C8orf88: variants seen among roughly 807,000 people sequenced by gnomAD.
C8orf88 encodes the protein chromosome 8 open reading frame 88, also known as uncharacterized protein C8orf88.
C8orf88 carries 14 observed loss-of-function variants against 18.4 expected under a neutral mutation model. That is an observed-to-expected ratio of 0.76 (90% CI 0.50 to 1.19). The LOEUF is 1.19. Ranked by LOEUF, C8orf88 falls within the 50% of genes most tolerant of loss-of-function variation. C8orf88 has a pLI of 0.00. For missense variants in C8orf88, 116 were observed against 134.7 expected, an observed-to-expected ratio of 0.86 and a Z score of 0.69; for synonymous variants, 45 against 42.9, an observed-to-expected ratio of 1.05 and a Z score of -0.19.
chr8:90,975,929 A>AT (rs1352533079), intron 3 of C8orf88, among the ~76,000 whole-genome samples: 1 of 123,264 alleles, frequency 8.1e-6, no homozygotes, highest in Non-Finnish European at 1.5e-5. Flanking sequence ...ACTATTCCAC[A>AT]TTAAAAAAAA....
At chr8:90,981,652 C>G (rs957991553) in intron 1 of C8orf88, among the ~76,000 whole-genome samples, 1 of 152,082 alleles carries the variant, frequency 6.6e-6, no homozygotes, top group Non-Finnish European at 1.5e-5. Context: ...TACATGTCTA[C>G]TTATTGGACT....
intron 3 of C8orf88, among the ~76,000 whole-genome samples, chr8:90,975,602 C>T (rs533731755): frequency 2.6e-5 from 4 of 152,192 alleles, no homozygotes; most frequent in Non-Finnish European, 4.4e-5. Context: ...GATACCACTA[C>T]TTACACACTA....
intron 4 of C8orf88, among the ~76,000 whole-genome samples, chr8:90,967,769 T>C (rs1268788467): frequency 6.6e-6 from 1 of 151,716 alleles, no homozygotes; most frequent in African/African-American, 2.4e-5. Flanking sequence ...ATGTCCCCCA[T>C]GAAATAAATT....
intron 1 of C8orf88, among the ~76,000 whole-genome samples, chr8:90,983,443 A>G (rs530615853): frequency 6.6e-6 from 1 of 152,256 alleles, no homozygotes; most frequent in East Asian, 1.9e-4. Context: ...ACCTGGCAAT[A>G]CTAACTATAT....
At chr8:90,966,988 C>T (rs1811209274) in intron 4 of C8orf88, among the ~76,000 whole-genome samples, 1 of 151,888 alleles carries the variant, frequency 6.6e-6, no homozygotes, top group African/African-American at 2.4e-5. Context: ...GGACTGTGTT[C>T]TCTGTGAATA....
At chr8:90,975,713 T>C (rs1436002144) in intron 3 of C8orf88, among the ~76,000 whole-genome samples, 1 of 152,064 alleles carries the variant, frequency 6.6e-6, no homozygotes, top group Non-Finnish European at 1.5e-5. Context: ...AATGGCCACT[T>C]TGGAAAACAT....
chr8:90,982,870 A>G lies in C8orf88; in HGVS notation c.-27+2244T>C, dbSNP rs535892501. Among the ~76,000 whole-genome samples the G allele has an allele frequency of 2.0e-5, 3 of 152,266 alleles. No individual in the cohort carries two copies. In the South Asian group the frequency reaches 6.2e-4, roughly 32 times the overall value. On this transcript the variant is annotated intron_variant, in intron 1 of 5. Transcript: ENST00000517562. ...TCCACCATCATGTTATTAATGAAAA[A>G]GGTTAAGTATTTATAAAAAGTAATT...
At chr8:90,959,656 CAT>C (rs1427564688) in intron 5 of C8orf88, among the ~76,000 whole-genome samples, 1 of 151,180 alleles carries the variant, frequency 6.6e-6, no homozygotes, top group Non-Finnish European at 1.5e-5. Flanking sequence ...CTATGAACAA[CAT>C]AATGTTTTTT....
At chr8:90,982,782 G>A (rs1811452156) in intron 1 of C8orf88, among the ~76,000 whole-genome samples, 1 of 151,970 alleles carries the variant, frequency 6.6e-6, no homozygotes, top group Non-Finnish European at 1.5e-5. Flanking sequence ...TAAAGTAAAC[G>A]ATGCCTGCAG....
rs1018036908 is a variant in C8orf88, at chr8:90,985,128, CG to C, written c.-42del. On this transcript the variant is annotated 5_prime_UTR_variant, in exon 1 of 6. Transcript: ENST00000517562. ...TAGCCACTTACCGACTCAAAATCCACGGGGATTTCGGGGCAGCAGCGTCGCC... is the reference window on the plus strand; with the variant it reads ...TAGCCACTTACCGACTCAAAATCCACGGGATTTCGGGGCAGCAGCGTCGCC... The C allele has an allele frequency of 5.9e-5, 9 of 152,264 alleles. No homozygotes were observed. The highest frequency in any genetic ancestry group is 9.6e-5 in the African/African-American group (4 of 41,572). The allele number at this position is 152,264 out of a possible 1,614,324, so 9.4% of individuals were successfully genotyped here.
At chr8:90,967,102 G>A (rs1401400566) in intron 4 of C8orf88, among the ~76,000 whole-genome samples, 1 of 151,778 alleles carries the variant, frequency 6.6e-6, no homozygotes, top group Admixed American at 6.6e-5. Context: ...AAAAGAAACA[G>A]TGAAAGTGGG....
At chr8:90,963,961 G>A (rs879317286) in intron 4 of C8orf88, among the ~76,000 whole-genome samples, 7 of 151,678 alleles carry the variant, frequency 4.6e-5, no homozygotes, top group Non-Finnish European at 7.4e-5. Context: ...ATACATCTAA[G>A]AAGTTCAACA....
chr8:90,975,386 A>AT (rs1811333623), intron 3 of C8orf88, among the ~76,000 whole-genome samples: 1 of 152,098 alleles, frequency 6.6e-6, no homozygotes, highest in Admixed American at 6.5e-5. Context: ...TGATATACTG[A>AT]TTTTTCAATG....
In C8orf88 at chr8:90,979,852, T is replaced by G. The variant is rs1811406614; in HGVS notation, c.73+511A>C. Among the ~76,000 whole-genome samples the G allele has an allele frequency of 2.6e-5, 4 of 152,362 alleles. No homozygotes were observed. The South Asian group carries it at 8.3e-4, about 32-fold the overall frequency. The stretch of plus-strand genomic sequence containing the variant: ...CAAAAGAAAAACATTTTAGAATGTT[T>G]AAAATAGATATTTTGAAATTAGACC... On this transcript the variant is annotated intron_variant, in intron 2 of 5. Transcript: ENST00000517562.
intron 3 of C8orf88, among the ~76,000 whole-genome samples, chr8:90,977,576 G>A (rs1423897691): frequency 1.4e-4 from 21 of 152,130 alleles, no homozygotes; most frequent in Admixed American, 1.4e-3. Context: ...TTTATTCATT[G>A]TAAAGTTGCC....
At chr8:90,968,235 A>T (rs1001851898) in intron 4 of C8orf88, among the ~76,000 whole-genome samples, 29 of 151,760 alleles carry the variant, frequency 1.9e-4, no homozygotes, top group African/African-American at 6.8e-4. Flanking sequence ...ATAAAACAAG[A>T]GAACAGAATT....
intron 4 of C8orf88, among the ~76,000 whole-genome samples, chr8:90,964,962 A>C (rs73298099): frequency 0.032 from 4,885 of 151,660 alleles, 248 homozygotes; most frequent in African/African-American, 0.11. Flanking sequence ...GGAGGAATTA[A>C]GTAACAAAAA....
At chr8:90,976,168 T>C (rs1209766797) in intron 3 of C8orf88, among the ~76,000 whole-genome samples, 1 of 151,996 alleles carries the variant, frequency 6.6e-6, no homozygotes, top group Admixed American at 6.6e-5. Context: ...CAAGGGGATA[T>C]AAGGACATTT....
Position 90,972,752 on chromosome 8 carries a change from A to G in C8orf88, c.148-1611T>C, listed in dbSNP as rs182295144. ...GTGACCAAGCCAAAAGTACACAGAT[A>G]AGAAACAGCTGAGCTAGGTTTTGAA... On this transcript the variant is annotated intron_variant, in intron 3 of 5. Transcript: ENST00000517562. 1.1e-4 allele frequency among the ~76,000 whole-genome samples: 17 copies of G among 152,222 alleles called. No homozygotes were observed. In the East Asian group the frequency reaches 1.9e-3, roughly 17 times the overall value.
Sources: allele counts gnomAD v4.1 joint callset (sites outside exome capture counted in the v4.1 genomes callset), GRCh38; gene constraint gnomAD v4.1.1; transcripts MANE v1.5; gene names NCBI Gene and HGNC (gene_info 2026-07-23, HGNC 2026-07-21).